Variants in BTAF1 observed in about 807,000 individuals in gnomAD.
The protein encoded by BTAF1 is TATA-binding protein-associated factor 172.
In BTAF1, 38 loss-of-function variants were observed where a neutral mutation model predicts 227.1. The ratio of observed to expected loss-of-function variants is 0.17; its 90% CI spans 0.13 to 0.22. The LOEUF (loss-of-function observed/expected upper bound fraction) is 0.22. BTAF1 is among the 10% of genes least tolerant of loss of function. The probability of loss-of-function intolerance (pLI) is 1.00; values close to 1 mark genes in which losing one functional copy is unlikely to be tolerated. For synonymous variants in BTAF1, 742 were observed against 751.9 expected (o/e 0.99, Z 0.21); for missense variants, 1,598 against 2,204.0 (o/e 0.73, Z 5.51).
chr10:91,989,098 C>T (rs1848585591), intron 19 of BTAF1, 56 bp from the exon 20 acceptor site: 1 of 1,427,936 alleles, frequency 7.0e-7, no homozygotes, highest in African/African-American at 1.4e-5. Context: ...TAGGAGCTTA[C>T]AGTCTATTTG....
At chr10:91,995,104 A>G (rs1483970434) in intron 23 of BTAF1, among the ~76,000 whole-genome samples, 4 of 152,222 alleles carry the variant, frequency 2.6e-5, no homozygotes, top group Non-Finnish European at 5.9e-5. Context: ...TTAAAAAACT[A>G]TTAAAATGTT....
intron 15 of BTAF1, 140 bp from the exon 16 acceptor site, chr10:91,981,503 A>G (rs1401631588): frequency 1.5e-5 from 13 of 890,834 alleles, no homozygotes; most frequent in Non-Finnish European, 2.1e-5. Context: ...TGTATTTCAA[A>G]ATAAGCCTCT....
chr10:91,924,434 C>G (rs1025511591), intron 1 of BTAF1, among the ~76,000 whole-genome samples: 12 of 152,320 alleles, frequency 7.9e-5, no homozygotes, highest in African/African-American at 2.9e-4. Flanking sequence ...GGTCCCTAAC[C>G]TCCATTTCAT....
At chr10:91,992,335 T>C in intron 21 of BTAF1, 26 bp downstream of exon 21, 1 of 1,455,008 alleles carries the variant, frequency 6.9e-7, no homozygotes, top group Admixed American at 2.2e-5. Flanking sequence ...TTTTTTTTAA[T>C]GCTTTGATTT....
chr10:91,965,152 G>A (rs1426322981), intron 13 of BTAF1, among the ~76,000 whole-genome samples: 4 of 152,130 alleles, frequency 2.6e-5, no homozygotes, highest in African/African-American at 4.8e-5. Context: ...CAAAAGAAGA[G>A]AAAAATTGAA....
chr10:92,006,045 T>A (rs1339902718), intron 25 of BTAF1, among the ~76,000 whole-genome samples: 2 of 152,120 alleles, frequency 1.3e-5, no homozygotes, highest in Non-Finnish European at 2.9e-5. Context: ...GGCTATTTTT[T>A]AAAATTTTTT....
chr10:91,993,808 G>T lies in BTAF1; in HGVS notation c.3160G>T (p.Val1054Phe), dbSNP rs764217346. 3 of 1,607,664 alleles carry T rather than the reference G, an allele frequency of 1.9e-6. No individual in the cohort carries two copies. Among genetic ancestry groups the T allele is most frequent in the East Asian group, 2.2e-5 (1 of 44,786 alleles). ...GTTGCCACATCTCTGGGATGCTATG[G>T]TTGGCCCATTGAGGAATACAATCGA... ...VKLPHLWDAM[V>F]GPLRNTIDIN... Residue 1054 changes from valine (V) to phenylalanine (F), a missense_variant, in exon 22 of 38, where the codon GTT becomes TTT. Around this residue, in one of 10 missense-constraint regions of BTAF1, gnomAD observed 425 missense variants for 491.2 expected, o/e 0.87. Transcript: ENST00000265990.
chr10:91,981,807 A>T lies in BTAF1; in HGVS notation c.1905+15A>T. On this transcript the variant is annotated intron_variant, in intron 16 of 37. Transcript: ENST00000265990. ...CTAGAGCCAAGGTAAGTGTAGAGGGACATAGTGTATTTGTGTGTTCATCAT... is the reference window on the plus strand; with the variant it reads ...CTAGAGCCAAGGTAAGTGTAGAGGGTCATAGTGTATTTGTGTGTTCATCAT... The T allele has an allele frequency of 1.2e-6, 2 of 1,605,838 alleles. No homozygotes were observed. Among genetic ancestry groups the T allele is most frequent in the Non-Finnish European group, 1.7e-6 (2 of 1,176,860 alleles).
Position 91,923,960 on chromosome 10 carries a change from C to T in BTAF1, c.-117C>T. The stretch of plus-strand genomic sequence containing the variant: ...CTGCGCTGGAACGCCCCACGCCGCA[C>T]CGGCCGCTCCCCTGTGCTCCGCGGC... On this transcript the variant is annotated 5_prime_UTR_variant, in exon 1 of 38. Transcript: ENST00000265990. 1.5e-6 allele frequency: 2 copies of T among 1,332,496 alleles called. No homozygotes were observed. Among genetic ancestry groups the T allele is most frequent in the Admixed American group, 3.5e-5 (1 of 28,822 alleles). 82.5% of individuals were successfully genotyped at this position (1,332,496 alleles called of 1,614,324 possible).
intron 14 of BTAF1, among the ~76,000 whole-genome samples, chr10:91,975,004 G>T (rs1442983482): frequency 6.6e-6 from 1 of 152,044 alleles, no homozygotes. Flanking sequence ...GTGTTTGTAC[G>T]TGCTAGAGTA....
In BTAF1 at chr10:91,966,766, T is replaced by A; in HGVS notation, c.1650+9T>A. The A allele has an allele frequency of 6.2e-7, 1 of 1,611,438 alleles. No homozygotes were observed. The highest frequency in any genetic ancestry group is 8.5e-7 in the Non-Finnish European group (1 of 1,178,772). ...TATCAACACAGGACCAGGTAAGAAC[T>A]GATAACTATAGCAGTCTTGAAACTT... On this transcript the variant is annotated intron_variant, in intron 14 of 37. Transcript: ENST00000265990.
Position 91,984,205 on chromosome 10 carries a change from G to A in BTAF1, c.2228G>A (p.Cys743Tyr). 3.7e-6 allele frequency: 6 copies of A among 1,613,522 alleles called. No homozygotes were observed. Among genetic ancestry groups the A allele is most frequent in the East Asian group, 2.2e-5 (1 of 44,826 alleles). ...ICEWAALQKE[C>Y]KAVTLAVQPR... is the part of the protein sequence containing the mutation. ...TTGTTTTCTGTTGTATTTTAGGAGT[G>A]TAAAGCTGTTACCTTAGCTGTGCAG... Residue 743 changes from cysteine (C) to tyrosine (Y), a missense_variant, in exon 19 of 38, where the codon TGT becomes TAT. This residue lies in a region of BTAF1 where 318 missense variants were observed against 435.0 expected (regional missense o/e 0.73). Coordinates refer to ENST00000265990, the MANE Select transcript of BTAF1 (RefSeq NM_003972.3).
At chr10:91,973,685 A>T (rs1053831693) in intron 14 of BTAF1, among the ~76,000 whole-genome samples, 23 of 151,906 alleles carry the variant, frequency 1.5e-4, no homozygotes, top group Non-Finnish European at 2.9e-4. Context: ...CGGGCGGATC[A>T]CGAGGTCAGG....
intron 28 of BTAF1, among the ~76,000 whole-genome samples, chr10:92,010,775 C>T (rs953460753): frequency 2.0e-5 from 3 of 152,212 alleles, no homozygotes; most frequent in Non-Finnish European, 4.4e-5. Flanking sequence ...AGTTCCCCCA[C>T]ATCACCTAGA....
At chr10:91,947,610 T>G (rs1301760987) in intron 4 of BTAF1, among the ~76,000 whole-genome samples, 2 of 152,120 alleles carry the variant, frequency 1.3e-5, no homozygotes, top group Non-Finnish European at 2.9e-5. Context: ...ATTGTTGCAT[T>G]GTAGTAAGTT....
intron 25 of BTAF1, among the ~76,000 whole-genome samples, chr10:92,002,866 TA>T (rs1015288468): frequency 1.3e-5 from 2 of 151,806 alleles, no homozygotes; most frequent in East Asian, 1.9e-4. Flanking sequence ...TTTTTATTAA[TA>T]AAAAAAATGT....
rs183386391 is a variant in BTAF1, at chr10:91,995,143, G to A, written c.3309+499G>A. 3.3e-5 allele frequency among the ~76,000 whole-genome samples: 5 copies of A among 152,186 alleles called. No individual in the cohort carries two copies. The East Asian group carries it at 9.7e-4, about 29-fold the overall frequency. On this transcript the variant is annotated intron_variant, in intron 23 of 37. Transcript: ENST00000265990. ...TACAAAAGAATTAGGACAGAGGGAG[G>A]AGGAAAATAGAGAATTATCTGGTTT... is the stretch of plus-strand genomic sequence containing the variant.
chr10:91,977,860 T>G (rs1847798788), intron 14 of BTAF1, among the ~76,000 whole-genome samples: 1 of 152,162 alleles, frequency 6.6e-6, no homozygotes. Context: ...CTAGACTTTA[T>G]TTTTCAGAGC....
chr10:91,950,466 T>C (rs1039640115), intron 4 of BTAF1, among the ~76,000 whole-genome samples: 3 of 152,254 alleles, frequency 2.0e-5, no homozygotes, highest in East Asian at 1.9e-4. Flanking sequence ...CAGATCGTTA[T>C]TGTTTTTAAA....
Sources: gnomAD v4.1 joint callset for allele counts (sites outside exome capture counted in the v4.1 genomes callset) on GRCh38, gnomAD v4.1.1 for gene constraint, gnomAD v4.1.1 regional missense constraint, MANE v1.5 for transcripts, NCBI Gene and HGNC (gene_info 2026-07-23, HGNC 2026-07-21) for gene names.